Variants in NCK2 observed in about 807,000 individuals in gnomAD.
NCK2 encodes the protein NCK adaptor protein 2.
NCK2 carries 16 observed loss-of-function variants against 33.9 expected under a neutral mutation model. The observed-to-expected ratio is 0.47, with a 90% CI of 0.32 to 0.72. The LOEUF (loss-of-function observed/expected upper bound fraction) is 0.72, where lower values mean the gene tolerates loss of function less well. NCK2 is among the 30% of genes least tolerant of loss of function. NCK2 has a pLI of 0.03. For missense variants in NCK2, 418 were observed against 537.3 expected (o/e 0.78, Z 2.19); for synonymous variants, 273 against 239.9 (o/e 1.14, Z -1.27).
At chr2:105,872,136 C>T (rs779999689) in intron 3 of NCK2, among the ~76,000 whole-genome samples, 12 of 152,200 alleles carry the variant, frequency 7.9e-5, no homozygotes, top group African/African-American at 1.7e-4. Context: ...GGTCAGTTGA[C>T]GAATATTTTT....
chr2:105,862,109 A>G (rs1370714905), intron 3 of NCK2, among the ~76,000 whole-genome samples: 1 of 152,186 alleles, frequency 6.6e-6, no homozygotes, highest in Non-Finnish European at 1.5e-5. Context: ...GAGAGCAGCA[A>G]CAGCTTGCAA....
chr2:105,873,502 C>G (rs970067999), intron 3 of NCK2, among the ~76,000 whole-genome samples: 2 of 152,124 alleles, frequency 1.3e-5, no homozygotes, highest in African/African-American at 4.8e-5. Flanking sequence ...GCTGATCCAC[C>G]GCCACCACCA....
At chr2:105,806,774 A>C (rs1173418518) in intron 1 of NCK2, among the ~76,000 whole-genome samples, 1 of 152,094 alleles carries the variant, frequency 6.6e-6, no homozygotes, top group Non-Finnish European at 1.5e-5. Context: ...CGGTATTTTC[A>C]GTTTCTTAGA....
intron 1 of NCK2, among the ~76,000 whole-genome samples, chr2:105,768,143 A>G (rs1690008058): frequency 6.6e-6 from 1 of 152,222 alleles, no homozygotes; most frequent in African/African-American, 2.4e-5. Context: ...AACATAACCA[A>G]AATATTTCAA....
At position 105,881,670 on chromosome 2, in the gene NCK2, A is replaced by G. The variant is rs747018579; in HGVS notation, c.569A>G (p.Asn190Ser). The G allele has an allele frequency of 4.3e-6, 7 of 1,613,292 alleles. No homozygotes were observed. The South Asian group carries it at 5.5e-5, about 13-fold the overall frequency. The part of the protein sequence containing the change: ...LSLRKGASLS[N>S]GQGSRVLHVV... ...CTGCGCAAGGGCGCCTCGCTGAGCAATGGCCAGGGCTCCCGCGTGCTGCAT... is the reference window on the plus strand; with the variant it reads ...CTGCGCAAGGGCGCCTCGCTGAGCAGTGGCCAGGGCTCCCGCGTGCTGCAT... The change falls in exon 4 of 5, where the codon AAT (asparagine) becomes AGT (serine). Residue 190 changes from asparagine (N) to serine (S), a missense_variant. Transcript: ENST00000233154.
chr2:105,858,450 T>C (rs1677379230), intron 3 of NCK2, among the ~76,000 whole-genome samples: 1 of 152,192 alleles, frequency 6.6e-6, no homozygotes, highest in African/African-American at 2.4e-5. Flanking sequence ...GATTTTGCCA[T>C]GTTGCCTGGG....
At chr2:105,848,669 ACTT>A (rs1386848683) in intron 2 of NCK2, 3 of 152,136 alleles carry the variant, frequency 2.0e-5, no homozygotes, top group Non-Finnish European at 4.4e-5. Context: ...GATTCAGTAA[ACTT>A]CTTTCAACTA....
chr2:105,813,097 T>G (rs1675351264), intron 1 of NCK2, among the ~76,000 whole-genome samples: 1 of 152,204 alleles, frequency 6.6e-6, no homozygotes. Context: ...CAAGTGTGCA[T>G]TCAAATTCTG....
At chr2:105,845,594 A>G (rs1676827397) in intron 2 of NCK2, among the ~76,000 whole-genome samples, 1 of 151,934 alleles carries the variant, frequency 6.6e-6, no homozygotes, top group African/African-American at 2.4e-5. Context: ...GAGGTTTCAA[A>G]TGTTGGCCAG....
At chr2:105,795,640 G>A (rs910761601) in intron 1 of NCK2, among the ~76,000 whole-genome samples, 2 of 152,182 alleles carry the variant, frequency 1.3e-5, no homozygotes, top group Non-Finnish European at 2.9e-5. Flanking sequence ...GGCAGTGTCT[G>A]CAGGCGTTGT....
intron 2 of NCK2, among the ~76,000 whole-genome samples, chr2:105,820,753 T>A (rs1345500897): frequency 1.3e-5 from 2 of 152,264 alleles, no homozygotes; most frequent in East Asian, 3.8e-4. Flanking sequence ...CCTTGTCTGC[T>A]ATGCTGCAGA....
At chr2:105,847,500 G>T (rs1335341673) in intron 2 of NCK2, among the ~76,000 whole-genome samples, 1 of 152,044 alleles carries the variant, frequency 6.6e-6, no homozygotes, top group East Asian at 1.9e-4. Flanking sequence ...GTCCCGGTGG[G>T]CAGGTGGAAA....
chr2:105,806,915 A>G (rs1241284109), intron 1 of NCK2, among the ~76,000 whole-genome samples: 1 of 152,136 alleles, frequency 6.6e-6, no homozygotes, highest in Admixed American at 6.5e-5. Context: ...CTACACTTGC[A>G]GGTACTTCTC....
At chr2:105,747,175 GCT>G (rs919779898) in intron 1 of NCK2, among the ~76,000 whole-genome samples, 2 of 152,094 alleles carry the variant, frequency 1.3e-5, no homozygotes, top group African/African-American at 4.8e-5. Flanking sequence ...CTTCATCCTT[GCT>G]CTGTTTGACC....
At chr2:105,830,443 G>C (rs958581739) in intron 2 of NCK2, among the ~76,000 whole-genome samples, 3 of 152,234 alleles carry the variant, frequency 2.0e-5, no homozygotes, top group African/African-American at 7.2e-5. Flanking sequence ...ATTCCACTGT[G>C]TATATGTACC....
At chr2:105,791,931 G>A (rs1690897973) in intron 1 of NCK2, among the ~76,000 whole-genome samples, 1 of 152,098 alleles carries the variant, frequency 6.6e-6, no homozygotes. Flanking sequence ...ATGTTTTTTC[G>A]ATGTTTTGAG....
chr2:105,808,232 C>T (rs1174586508), intron 1 of NCK2, among the ~76,000 whole-genome samples: 1 of 152,184 alleles, frequency 6.6e-6, no homozygotes, highest in Non-Finnish European at 1.5e-5. Context: ...AACATTACAT[C>T]ATTCAATGCT....
At chr2:105,750,963 C>T (rs188094225) in intron 1 of NCK2, among the ~76,000 whole-genome samples, 5 of 152,272 alleles carry the variant, frequency 3.3e-5, no homozygotes, top group South Asian at 2.1e-4. Context: ...ATGTGCATGA[C>T]GGTGGTGAGG....
Position 105,837,386 on chromosome 2 carries a change from C to T in NCK2, c.-16-17662C>T, listed in dbSNP as rs557120763. ...GTATGCAGTCCTTTGACTTCCCCAA[C>T]GCCTCCCCAATTGCATATTGTTTCT... On this transcript the variant is annotated intron_variant, in intron 2 of 4. Transcript: ENST00000233154. Among the ~76,000 whole-genome samples, 190 of 152,240 alleles carry T rather than the reference C, an allele frequency of 1.2e-3. 1 individual carries two copies. The highest frequency in any genetic ancestry group is 4.3e-3 in the African/African-American group (180 of 41,528).
Sources: gnomAD v4.1 joint callset for allele counts (sites outside exome capture counted in the v4.1 genomes callset) on GRCh38, gnomAD v4.1.1 for gene constraint, MANE v1.5 for transcripts, NCBI Gene and HGNC (gene_info 2026-07-23, HGNC 2026-07-21) for gene names.